Variants in CEP20 observed in about 807,000 individuals in gnomAD.
CEP20 encodes FGFR1OP N-terminal like.
A neutral mutation model predicts 20.0 loss-of-function variants in CEP20; 18 were observed. The observed-to-expected ratio is 0.90, with a 90% CI of 0.62 to 1.34. CEP20 has a LOEUF of 1.34. Ranked by LOEUF, CEP20 falls within the 40% of genes most tolerant of loss-of-function variation. The pLI, the probability that CEP20 is intolerant of heterozygous loss-of-function variation, is 0.00. For missense variants in CEP20, 215 were observed against 201.6 expected (o/e 1.07, Z -0.40); for synonymous variants, 77 against 73.7 (o/e 1.04, Z -0.23).
rs533251242 is a variant in CEP20, at chr16:15,880,848, G to A, written c.227-960C>T. On this transcript the variant is annotated intron_variant, in intron 2 of 4. Transcript: ENST00000255759. ...GAACCCTATTGTGAACTGCACATGC[G>A]AGGGATCTGGGCTGTGCACTCCTTA... Among the ~76,000 whole-genome samples the A allele has an allele frequency of 2.8e-4, 42 of 152,050 alleles. 1 individual carries two copies. Among genetic ancestry groups the A allele is most frequent in the African/African-American group, 8.2e-4 (34 of 41,476 alleles).
At chr16:15,876,101 T>G (rs1028180559) in intron 3 of CEP20, among the ~76,000 whole-genome samples, 1 of 148,914 alleles carries the variant, frequency 6.7e-6, no homozygotes, top group East Asian at 2.0e-4. Flanking sequence ...AATATTAATG[T>G]GATTGTGGAA....
intron 4 of CEP20, among the ~76,000 whole-genome samples, chr16:15,867,990 AAAAG>A (rs1330843886): frequency 6.6e-5 from 10 of 151,728 alleles, no homozygotes; most frequent in Admixed American, 6.6e-5. Flanking sequence ...AAAAAAAAAA[AAAAG>A]AAAGAAATCA....
rs15784 is a variant in CEP20 at position 15,867,494 on chromosome 16, T to A, written c.471A>T (p.Glu157Asp). 5.6e-6 allele frequency: 9 copies of A among 1,603,966 alleles called. No individual in the cohort carries two copies. The Middle Eastern group carries it at 6.7e-4, about 119-fold the overall frequency. ...KPMDDHLRKE[E>D]QKSTNIEDLH... is the part of the protein sequence containing the mutation. ...GATCTTCAATGTTAGTACTTTTCTG[T>A]TCCTCCTTTCTTAGGTGGTCATCTG... is the stretch of plus-strand genomic sequence containing the variant. The change falls in exon 5 of 5, where the codon GAA (glutamate) becomes GAT (aspartate). Residue 157 changes from glutamate (E) to aspartate (D), a missense_variant. Coordinates refer to ENST00000255759, the MANE Select transcript of CEP20 (RefSeq NM_144600.4).
intron 4 of CEP20, 67 bp downstream of exon 4, chr16:15,873,424 A>C: frequency 6.4e-7 from 1 of 1,557,008 alleles, no homozygotes; most frequent in Non-Finnish European, 8.7e-7. Context: ...AAGACTCCAA[A>C]AGAAAAATAT....
chr16:15,878,699 C>T (rs1252826877), intron 3 of CEP20, among the ~76,000 whole-genome samples: 2 of 152,022 alleles, frequency 1.3e-5, no homozygotes, highest in African/African-American at 4.8e-5. Flanking sequence ...GGGGTTTCGC[C>T]ATGTTGACCA....
intron 4 of CEP20, among the ~76,000 whole-genome samples, chr16:15,871,252 T>C (rs2044810586): frequency 6.6e-6 from 1 of 151,410 alleles, no homozygotes; most frequent in African/African-American, 2.4e-5. Context: ...TGACAGTCCA[T>C]CTAAAATTTA....
chr16:15,873,401 C>A, intron 4 of CEP20, 90 bp downstream of exon 4: 1 of 1,462,482 alleles, frequency 6.8e-7, no homozygotes, highest in East Asian at 2.3e-5. Flanking sequence ...AACTATGACT[C>A]AAAAGCTCAG....
chr16:15,886,639 G>A (rs897105208), intron 1 of CEP20, among the ~76,000 whole-genome samples: 1 of 152,182 alleles, frequency 6.6e-6, no homozygotes, highest in East Asian at 1.9e-4. Flanking sequence ...TGCCTCAGTT[G>A]CCTTCTCTAA....
At chr16:15,886,768 G>A (rs987623670) in intron 1 of CEP20, among the ~76,000 whole-genome samples, 6 of 152,174 alleles carry the variant, frequency 3.9e-5, no homozygotes, top group East Asian at 1.9e-4. Context: ...AGTTTTCACC[G>A]GGTTTCTTTT....
At chr16:15,883,552 G>C (rs2045163300) in intron 2 of CEP20, among the ~76,000 whole-genome samples, 1 of 152,046 alleles carries the variant, frequency 6.6e-6, no homozygotes. Flanking sequence ...CTCTTTTCCA[G>C]AGATGGGGTC....
chr16:15,879,713 A>C, intron 3 of CEP20, 91 bp downstream of exon 3: 1 of 750,534 alleles, frequency 1.3e-6, no homozygotes, highest in Non-Finnish European at 2.2e-6. Context: ...CTAGATCTGA[A>C]TAAATACTTG....
At chr16:15,887,673 G>C (rs1319111460) in intron 1 of CEP20, among the ~76,000 whole-genome samples, 2 of 152,136 alleles carry the variant, frequency 1.3e-5, no homozygotes, top group African/African-American at 4.8e-5. Context: ...ACTATTACTT[G>C]TCTGGACATT....
chr16:15,884,379 T>C (rs1047476379), intron 1 of CEP20, among the ~76,000 whole-genome samples, 174 bp from the exon 2 acceptor site: 2 of 152,248 alleles, frequency 1.3e-5, no homozygotes, highest in Non-Finnish European at 2.9e-5. Flanking sequence ...GCCATGTTTA[T>C]ACTAAAACAT....
intron 2 of CEP20, among the ~76,000 whole-genome samples, chr16:15,883,404 G>C (rs1252756352): frequency 6.6e-6 from 1 of 152,062 alleles, no homozygotes; most frequent in African/African-American, 2.4e-5. Flanking sequence ...CTGTTGCCCA[G>C]ACTGGAGTGC....
chr16:15,881,261 A>G (rs1487149006), intron 2 of CEP20, among the ~76,000 whole-genome samples: 1 of 152,158 alleles, frequency 6.6e-6, no homozygotes, highest in Non-Finnish European at 1.5e-5. Context: ...AAAAAAGCCA[A>G]ACCATTTAAT....
At chr16:15,879,978 C>T in intron 2 of CEP20, 90 bp from the exon 3 acceptor site, 1 of 868,474 alleles carries the variant, frequency 1.2e-6, no homozygotes, top group Non-Finnish European at 1.8e-6. Flanking sequence ...CAGACATACA[C>T]TTTTTAGATT....
chr16:15,876,639 G>T (rs2044956750), intron 3 of CEP20, among the ~76,000 whole-genome samples: 1 of 152,118 alleles, frequency 6.6e-6, no homozygotes, highest in African/African-American at 2.4e-5. Context: ...ACAGCATTTG[G>T]ATTTTCAAAC....
chr16:15,884,133 T>C lies in CEP20; in HGVS notation c.101A>G (p.Asn34Ser), dbSNP rs373600723. 151 of 1,614,160 alleles carry C rather than the reference T, an allele frequency of 9.4e-5. 1 individual carries two copies. The South Asian group carries it at 9.7e-4, about 10-fold the overall frequency. ...LKARIRAEVF[N>S]ALDDDREPRP... ...GGGTTCACGGTCATCATCTAGGGCA[T>C]TGAAAACTTCAGCTCGGATCCTTGC... is the stretch of plus-strand genomic sequence containing the variant. The change falls in exon 2 of 5, where the codon AAT (asparagine) becomes AGT (serine). Residue 34 changes from asparagine to serine, a missense_variant. Transcript: ENST00000255759.
intron 2 of CEP20, among the ~76,000 whole-genome samples, chr16:15,882,731 A>ATATCTATCTATC (rs68035220): frequency 1.3e-4 from 19 of 145,546 alleles, no homozygotes; most frequent in African/African-American, 3.1e-4. Flanking sequence ...TATCTCCATT[A>ATATCTATCTATC]TATCTATCTA....
Sources: allele counts gnomAD v4.1 joint callset (sites outside exome capture counted in the v4.1 genomes callset), GRCh38; gene constraint gnomAD v4.1.1; transcripts MANE v1.5; gene names NCBI Gene and HGNC (gene_info 2026-07-23, HGNC 2026-07-21).